The following TWIST2 variants were observed in gnomAD, a reference collection of about 807,000 sequenced individuals.
TWIST2 encodes twist family bHLH transcription factor 2.
In TWIST2, 1 loss-of-function variant was observed where a neutral mutation model predicts 11.6. The observed-to-expected ratio is 0.09, with a 90% CI of 0.03 to 0.41. The LOEUF is 0.41. Ranked by LOEUF, TWIST2 falls within the 10% of genes least tolerant of loss-of-function variation. The pLI, the probability that TWIST2 is intolerant of heterozygous loss-of-function variation, is 0.98. For missense variants in TWIST2, 168 were observed against 226.4 expected (o/e 0.74, Z 1.66); for synonymous variants, 87 against 96.6 (o/e 0.90, Z 0.58).
intron 1 of TWIST2, among the ~76,000 whole-genome samples, chr2:238,900,766 G>T (rs2106372903): frequency 1.3e-5 from 2 of 152,210 alleles, no homozygotes; most frequent in Middle Eastern, 3.4e-3. Flanking sequence ...TGGTTGTCTG[G>T]GTCTGGAAGC....
In TWIST2 at chr2:238,848,546, G is replaced by T; in HGVS notation, c.331G>T (p.Ala111Ser). The part of the protein sequence containing the change: ...LSKIQTLKLA[A>S]RYIDFLYQVL... ...CAAGATCCAGACGCTCAAGCTGGCC[G>T]CCAGGTACATAGACTTCCTCTACCA... Residue 111 changes from alanine (A) to serine (S), a missense_variant, in exon 1 of 2, where the codon GCC becomes TCC. Ala to Ser is a moderately conservative substitution (Grantham distance 99). Coordinates refer to ENST00000612363, the MANE Select transcript of TWIST2 (RefSeq NM_001271893.4). The T allele has an allele frequency of 6.3e-7, 1 of 1,591,484 alleles. No homozygotes were observed. The highest frequency in any genetic ancestry group is 8.5e-7 in the Non-Finnish European group (1 of 1,170,876).
At chr2:238,884,784 G>A (rs1693001762) in intron 1 of TWIST2, among the ~76,000 whole-genome samples, 1 of 152,220 alleles carries the variant, frequency 6.6e-6, no homozygotes, top group African/African-American at 2.4e-5. Flanking sequence ...GGAGCACAGG[G>A]AGCCTTCCGG....
chr2:238,868,998 G>A lies in TWIST2; in HGVS notation c.*35+20265G>A, dbSNP rs147904140. On this transcript the variant is annotated intron_variant, in intron 1 of 1. Transcript: ENST00000612363. The stretch of plus-strand genomic sequence containing the variant: ...TGGGTTGTGAGAGACAGTGTCGTCC[G>A]CACCAGCATCAGGCAGCAGATGGCA... 1.1e-3 allele frequency among the ~76,000 whole-genome samples: 169 copies of A among 152,334 alleles called. 2 individuals carry two copies. Among genetic ancestry groups the A allele is most frequent in the East Asian group, 0.01 (52 of 5,186 alleles).
chr2:238,903,628 G>A (rs1382260412), intron 1 of TWIST2, among the ~76,000 whole-genome samples: 30 of 143,938 alleles, frequency 2.1e-4, no homozygotes, highest in Admixed American at 7.7e-4. Flanking sequence ...TGTGATGTGA[G>A]GTGTGTGTGT....
At chr2:238,908,227 CA>C (rs1262846467) in intron 1 of TWIST2, among the ~76,000 whole-genome samples, 11 of 145,056 alleles carry the variant, frequency 7.6e-5, no homozygotes, top group Middle Eastern at 4.4e-3. Context: ...ACCCCCCATA[CA>C]AAATACAATC....
intron 1 of TWIST2, among the ~76,000 whole-genome samples, chr2:238,905,327 C>A (rs1279993605): frequency 1.3e-5 from 2 of 152,212 alleles, no homozygotes; most frequent in Non-Finnish European, 2.9e-5. Context: ...AGGGAGGTAA[C>A]TGCACGCAGC....
chr2:238,885,321 C>G (rs543644330), intron 1 of TWIST2, among the ~76,000 whole-genome samples: 1 of 152,348 alleles, frequency 6.6e-6, no homozygotes, highest in Admixed American at 6.5e-5. Flanking sequence ...GTCATGCTGC[C>G]CGACTCAGCT....
chr2:238,905,925 G>A (rs1693341383), intron 1 of TWIST2, among the ~76,000 whole-genome samples: 1 of 111,766 alleles, frequency 8.9e-6, no homozygotes, highest in Non-Finnish European at 1.8e-5. Flanking sequence ...GTGCAGGTGT[G>A]CGTGTGCGCG....
intron 1 of TWIST2, among the ~76,000 whole-genome samples, chr2:238,862,178 A>G (rs926939159): frequency 6.7e-6 from 1 of 149,706 alleles, no homozygotes; most frequent in Admixed American, 6.6e-5. Context: ...CTTTCCGACC[A>G]TCTGCTTCCA....
chr2:238,848,370 A>G lies in TWIST2; in HGVS notation c.155A>G (p.Lys52Arg). The part of the protein sequence containing the change: ...DGSPTPGKRG[K>R]KGSPSAQSFE... ...AGCCCGACCCCGGGCAAGCGCGGCA[A>G]GAAGGGCAGCCCCAGCGCGCAGTCC... Residue 52 changes from lysine (K) to arginine (R), a missense_variant, in exon 1 of 2, where the codon AAG becomes AGG. This residue lies in a region of TWIST2 where 83 missense variants were observed against 92.7 expected (regional missense o/e 0.90). Transcript: ENST00000612363. 6.5e-7 allele frequency: 1 copy of G among 1,534,802 alleles called. No homozygotes were observed. The highest frequency in any genetic ancestry group is 8.7e-7 in the Non-Finnish European group (1 of 1,145,942).
chr2:238,905,968 T>C (rs1282591745), intron 1 of TWIST2, among the ~76,000 whole-genome samples: 1 of 137,406 alleles, frequency 7.3e-6, no homozygotes, highest in African/African-American at 3.0e-5. Context: ...CGTGTGCGTG[T>C]GTGTGCGCGC....
intron 1 of TWIST2, among the ~76,000 whole-genome samples, chr2:238,850,459 T>A (rs1370688891): frequency 6.6e-6 from 1 of 152,230 alleles, no homozygotes; most frequent in Non-Finnish European, 1.5e-5. Flanking sequence ...GTCATCTTTT[T>A]AAAAACACAC....
intron 1 of TWIST2, among the ~76,000 whole-genome samples, chr2:238,888,061 C>G (rs927954493): frequency 6.6e-6 from 1 of 152,350 alleles, no homozygotes; most frequent in East Asian, 1.9e-4. Context: ...CCGAAAGACA[C>G]TTTTCACTCA....
rs1377221578 is a variant in TWIST2, at chr2:238,848,387, G to A, written c.172G>A (p.Ala58Thr). 1 of 1,535,356 alleles carries A rather than the reference G, an allele frequency of 6.5e-7. No homozygotes were observed. Among genetic ancestry groups the A allele is most frequent in the South Asian group, 1.2e-5 (1 of 84,016 alleles). Residue 58 changes from alanine to threonine, a missense_variant, in exon 1 of 2, where the codon GCG becomes ACG. Physicochemically the swap from Ala to Thr is moderately conservative, Grantham distance 58. This residue lies in a region of TWIST2 where 83 missense variants were observed against 92.7 expected (regional missense o/e 0.90). Coordinates refer to ENST00000612363, the MANE Select transcript of TWIST2 (RefSeq NM_001271893.4). The stretch of plus-strand genomic sequence containing the variant: ...GCGCGGCAAGAAGGGCAGCCCCAGC[G>A]CGCAGTCCTTCGAGGAGCTGCAGAG... Reference protein sequence around the residue: ...GKRGKKGSPSAQSFEELQSQR... With the variant: ...GKRGKKGSPSTQSFEELQSQR...
rs1692550799 is a variant in TWIST2, at chr2:238,866,995, G to T, written c.*35+18262G>T. Among the ~76,000 whole-genome samples, 1 of 152,162 alleles carries T rather than the reference G, an allele frequency of 6.6e-6. No individual in the cohort carries two copies. The highest frequency in any genetic ancestry group is 2.4e-5 in the African/African-American group (1 of 41,430). On this transcript the variant is annotated intron_variant, in intron 1 of 1. Transcript: ENST00000612363. The surrounding 1 kb of genome is among the most constrained non-coding windows in gnomAD (Gnocchi z 4.9). ...ACCAAGTACACCAAGAAACTACACT[G>T]TGTCTGATGCAAACGCATGTTTTCT...
intron 1 of TWIST2, among the ~76,000 whole-genome samples, chr2:238,865,341 C>T (rs925219609): frequency 5.9e-5 from 9 of 152,170 alleles, no homozygotes; most frequent in South Asian, 2.1e-4. Context: ...CTTTAAACGA[C>T]GGCGCACAGG....
At chr2:238,885,724 A>G (rs1441199805) in intron 1 of TWIST2, among the ~76,000 whole-genome samples, 1 of 152,236 alleles carries the variant, frequency 6.6e-6, no homozygotes, top group African/African-American at 2.4e-5. Context: ...CACATCTTAA[A>G]GAGAACCAAT....
chr2:238,860,292 T>C (rs913349617), intron 1 of TWIST2, among the ~76,000 whole-genome samples: 12 of 152,216 alleles, frequency 7.9e-5, no homozygotes, highest in Non-Finnish European at 1.8e-4. Flanking sequence ...GCACCAGTTG[T>C]GTGTTTTCCT....
intron 1 of TWIST2, among the ~76,000 whole-genome samples, chr2:238,904,486 C>T (rs921132124): frequency 4.0e-5 from 6 of 149,652 alleles, no homozygotes; most frequent in African/African-American, 1.5e-4. Flanking sequence ...TGTGCGTGTT[C>T]GTGTGTGTGT....
Sources: allele counts gnomAD v4.1 joint callset (sites outside exome capture counted in the v4.1 genomes callset), GRCh38; gene constraint gnomAD v4.1.1; regional missense constraint gnomAD v4.1.1; non-coding constraint Gnocchi (gnomAD v3.1); transcripts MANE v1.5; gene names NCBI Gene and HGNC (gene_info 2026-07-23, HGNC 2026-07-21).